The following PDE6B variants were observed in gnomAD, a reference collection of about 807,000 sequenced individuals.
PDE6B encodes the protein phosphodiesterase 6B, also known as rod cGMP-specific 3',5'-cyclic phosphodiesterase subunit beta.
In PDE6B, 106 loss-of-function variants were observed where a neutral mutation model predicts 109.0. The observed-to-expected ratio is 0.97, with a 90% CI of 0.83 to 1.14. The LOEUF is 1.14. PDE6B is among the 50% of genes most tolerant of loss of function. The pLI is 0.00. For missense variants in PDE6B, 1,193 were observed against 1,155.6 expected (o/e 1.03, Z -0.47); for synonymous variants, 490 against 471.3 (o/e 1.04, Z -0.51).
Position 666,460 on chromosome 4 carries a change from G to T in PDE6B, c.2269-71G>T. The stretch of plus-strand genomic sequence containing the variant: ...ATGAGCACATCTGAGTGAGGGGGTC[G>T]GGGGGCTGGGCGGGGCCCCAGGAGC... On this transcript the variant is annotated intron_variant, in intron 19 of 21. Transcript: ENST00000496514. This position sits in a 1 kb window ranked among gnomAD's most constrained non-coding sequence, Gnocchi z 5.6. 1 of 970,818 alleles carries T rather than the reference G, an allele frequency of 1.0e-6. No individual in the cohort carries two copies. The highest frequency in any genetic ancestry group is 1.3e-5 in the South Asian group (1 of 78,008). 60.1% of individuals were successfully genotyped at this position (970,818 alleles called of 1,614,324 possible).
At chr4:669,411 T>A (rs1162253737) in intron 21 of PDE6B, among the ~76,000 whole-genome samples, 1 of 117,364 alleles carries the variant, frequency 8.5e-6, no homozygotes, top group Admixed American at 8.2e-5. Context: ...CCCCATGCTA[T>A]TCCCGCTACC....
intron 21 of PDE6B, among the ~76,000 whole-genome samples, chr4:669,075 G>A (rs1170848186): frequency 2.1e-3 from 1 of 474 alleles, no homozygotes. Context: ...ACCCCATGCT[G>A]CTCCCACTAC....
intron 17 of PDE6B, among the ~76,000 whole-genome samples, chr4:664,513 C>A (rs1368045876): frequency 6.6e-6 from 1 of 152,120 alleles, no homozygotes; most frequent in Non-Finnish European, 1.5e-5. Context: ...GATTCACAAC[C>A]AGCCCCTCCC....
At chr4:668,412 G>C (rs1256901654) in intron 21 of PDE6B, among the ~76,000 whole-genome samples, 8 of 145,722 alleles carry the variant, frequency 5.5e-5, no homozygotes, top group African/African-American at 1.6e-4. Context: ...GCTGCTCCCA[G>C]TATCCCATGC....
Position 663,977 on chromosome 4 carries a change from G to A in PDE6B, c.2021+107G>A. On this transcript the variant is annotated intron_variant, in intron 16 of 21. Transcript: ENST00000496514. The surrounding 1 kb of genome is among the most constrained non-coding windows in gnomAD (Gnocchi z 4.0). ...GCACAGCCCGGGGGACGCAGCCCCG[G>A]ATTCCGTCCCTGCCCGCCGGCCCCG... The A allele has an allele frequency of 1.8e-6, 2 of 1,111,886 alleles. No individual in the cohort carries two copies. Among genetic ancestry groups the A allele is most frequent in the South Asian group, 1.3e-5 (1 of 76,080 alleles). 68.9% of individuals were successfully genotyped at this position (1,111,886 alleles called of 1,614,324 possible). A position where few individuals can be genotyped will look rare whatever the true frequency, so the allele number is the denominator to read the frequency against.
chr4:662,990 C>A lies in PDE6B; in HGVS notation c.1833-110C>A, dbSNP rs1001862522. The A allele has an allele frequency of 2.7e-6, 2 of 740,970 alleles. No homozygotes were observed. The highest frequency in any genetic ancestry group is 2.6e-5 in the East Asian group (1 of 38,500). 45.9% of individuals were successfully genotyped at this position (740,970 alleles called of 1,614,324 possible). A position where few individuals can be genotyped will look rare whatever the true frequency, so the allele number is the denominator to read the frequency against. ...TGCACTCCAGAGTGGGTGACAGAGG[C>A]AGACCCTGTCTCAAAAAAAAGAAAG... On this transcript the variant is annotated intron_variant, in intron 14 of 21. Transcript: ENST00000496514. The surrounding 1 kb of genome is among the most constrained non-coding windows in gnomAD (Gnocchi z 4.3).
At chr4:656,112 C>T (rs1026829990) in intron 7 of PDE6B, 106 bp downstream of exon 7, 15 of 1,015,764 alleles carry the variant, frequency 1.5e-5, no homozygotes, top group South Asian at 8.9e-5. Flanking sequence ...GCCAGCTCCA[C>T]GTGCCTCAGT....
Position 632,471 on chromosome 4 carries a change from C to T in PDE6B, c.469-2206C>T, listed in dbSNP as rs192099138. Among the ~76,000 whole-genome samples the T allele has an allele frequency of 6.8e-3, 948 of 139,636 alleles. 4 individuals are homozygous for T. The highest frequency in any genetic ancestry group is 8.7e-3 in the Non-Finnish European group (563 of 64,426). The allele number at this position is 139,636 out of a possible 152,430, so 91.6% of individuals were successfully genotyped here. Reference sequence around the variant, plus strand: ...CTCAGGGTCACGTTGTGTGGATCTGCGTGGCAGCATCTCTGGATCACGTTT... The same window carrying T: ...CTCAGGGTCACGTTGTGTGGATCTGTGTGGCAGCATCTCTGGATCACGTTT... On this transcript the variant is annotated intron_variant, in intron 1 of 21. Transcript: ENST00000496514.
Position 665,001 on chromosome 4 carries a change from C to CCGGGCGGG in PDE6B, c.2193+62_2193+69dup. ...CAGTGCCTCTCAGCACATGGGACTG[C>CCGGGCGGG]CGGGCGGGCGGGAGCCTCGGATGGC... On this transcript the variant is annotated intron_variant, in intron 18 of 21. Coordinates refer to ENST00000496514, the MANE Select transcript of PDE6B (RefSeq NM_000283.4). This position sits in a 1 kb window ranked among gnomAD's most constrained non-coding sequence, Gnocchi z 4.0. 1 of 1,399,528 alleles carries CCGGGCGGG rather than the reference C, an allele frequency of 7.1e-7. No homozygotes were observed. Among genetic ancestry groups the CCGGGCGGG allele is most frequent in the East Asian group, 2.3e-5 (1 of 43,886 alleles). 86.7% of individuals were successfully genotyped at this position (1,399,528 alleles called of 1,614,324 possible).
rs1322071830 is a variant in PDE6B, at chr4:665,210, C to T, written c.2194-45C>T. 4.8e-6 allele frequency: 7 copies of T among 1,461,960 alleles called. No individual in the cohort carries two copies. The highest frequency in any genetic ancestry group is 3.4e-5 in the Admixed American group (2 of 58,924). 90.6% of individuals were successfully genotyped at this position (1,461,960 alleles called of 1,614,324 possible). ...CACGGGGCGGGCCCGGGCCCTTCCG[C>T]GTGGGCTCAGAGCTCCACAGACAGC... On this transcript the variant is annotated intron_variant, in intron 18 of 21. Coordinates refer to ENST00000496514, the MANE Select transcript of PDE6B (RefSeq NM_000283.4). This position sits in a 1 kb window ranked among gnomAD's most constrained non-coding sequence, Gnocchi z 4.0.
rs559505884 is a variant in PDE6B at position 662,426 on chromosome 4, G to T, written c.1723-83G>T. 1.0e-3 allele frequency: 1,028 copies of T among 1,014,054 alleles called. 8 individuals carry two copies. The African/African-American group carries it at 0.015, about 14-fold the overall frequency. The allele number at this position is 1,014,054 out of a possible 1,614,324, so 62.8% of individuals were successfully genotyped here. A position where few individuals can be genotyped will look rare whatever the true frequency, so the allele number is the denominator to read the frequency against. On this transcript the variant is annotated intron_variant, in intron 13 of 21. Transcript: ENST00000496514. This position sits in a 1 kb window ranked among gnomAD's most constrained non-coding sequence, Gnocchi z 4.3. ...TGGTCGGAGGTCCAACCTCCAACCC[G>T]ACGCCTAGGTCATCCCAACCCCTCA...
rs1734508199 is a variant in PDE6B, at chr4:633,834, C to T, written c.469-843C>T. 6.6e-6 allele frequency among the ~76,000 whole-genome samples: 1 copy of T among 152,206 alleles called. No individual in the cohort carries two copies. Among genetic ancestry groups the T allele is most frequent in the South Asian group, 2.1e-4 (1 of 4,826 alleles). On this transcript the variant is annotated intron_variant, in intron 1 of 21. Transcript: ENST00000496514. The surrounding 1 kb of genome is among the most constrained non-coding windows in gnomAD (Gnocchi z 4.5). ...GAGGAGGGTCTGGGGTCACATCCAA[C>T]TCTCTGAAGGACAGAATCCCAGTCA...
rs1737410105 is a variant in PDE6B at position 663,683 on chromosome 4, A to G, written c.1921-87A>G. On this transcript the variant is annotated intron_variant, in intron 15 of 21. Coordinates refer to ENST00000496514, the MANE Select transcript of PDE6B (RefSeq NM_000283.4). The surrounding 1 kb of genome is among the most constrained non-coding windows in gnomAD (Gnocchi z 4.0). ...CCGAGGGCGGGGGCGTGAGAGGCAC[A>G]GGCAGCCGAGGCGGAAGGGGCGGGG... 1.1e-6 allele frequency: 1 copy of G among 951,450 alleles called. No homozygotes were observed. The highest frequency in any genetic ancestry group is 1.3e-5 in the South Asian group (1 of 74,874). The allele number at this position is 951,450 out of a possible 1,614,324, so 58.9% of individuals were successfully genotyped here. A position where few individuals can be genotyped will look rare whatever the true frequency, so the allele number is the denominator to read the frequency against.
At chr4:652,230 C>CAGGG (rs911667965) in intron 3 of PDE6B, 1 of 152,160 alleles carries the variant, frequency 6.6e-6, no homozygotes, top group African/African-American at 2.4e-5. Flanking sequence ...CGGGCCTCAG[C>CAGGG]AGGGAGGGAG....
At chr4:647,149 C>T (rs2109163287) in intron 3 of PDE6B, among the ~76,000 whole-genome samples, 1 of 152,224 alleles carries the variant, frequency 6.6e-6, no homozygotes, top group East Asian at 1.9e-4. Context: ...TGCGCCACCT[C>T]GCCTGGCCTG....
At position 632,367 on chromosome 4, in the gene PDE6B, G is replaced by A. The variant is rs111398201; in HGVS notation, c.469-2310G>A. ...CATGTGGATCCATGAGGCACCGTCTGAGGATCATGTTGTGTGGATCCATGT... is the reference window on the plus strand; with the variant it reads ...CATGTGGATCCATGAGGCACCGTCTAAGGATCATGTTGTGTGGATCCATGT... On this transcript the variant is annotated intron_variant, in intron 1 of 21. Coordinates refer to ENST00000496514, the MANE Select transcript of PDE6B (RefSeq NM_000283.4). 5.9e-3 allele frequency among the ~76,000 whole-genome samples: 891 copies of A among 152,052 alleles called. 8 individuals carry two copies. The highest frequency in any genetic ancestry group is 0.02 in the African/African-American group (829 of 41,448).
rs373093302 is a variant in PDE6B, at chr4:666,510, G to A, written c.2269-21G>A. The stretch of plus-strand genomic sequence containing the variant: ...CTGCCTCCCTGGTCACTGTTCTCCC[G>A]CCCTCTGTTCCTCCCACCAGCCTAT... On this transcript the variant is annotated intron_variant, in intron 19 of 21. Transcript: ENST00000496514. This position sits in a 1 kb window ranked among gnomAD's most constrained non-coding sequence, Gnocchi z 5.6. The A allele has an allele frequency of 2.6e-5, 41 of 1,577,504 alleles. No homozygotes were observed. Among genetic ancestry groups the A allele is most frequent in the South Asian group, 2.2e-4 (20 of 90,404 alleles).
intron 1 of PDE6B, among the ~76,000 whole-genome samples, chr4:629,628 G>T (rs1002286112): frequency 1.3e-5 from 2 of 152,358 alleles, no homozygotes; most frequent in South Asian, 4.1e-4. Flanking sequence ...CCTGCACGTC[G>T]CCAGCAGTCA....
chr4:659,613 A>G (rs1366553900), intron 11 of PDE6B, among the ~76,000 whole-genome samples: 4 of 140,516 alleles, frequency 2.8e-5, no homozygotes, highest in Admixed American at 1.4e-4. Flanking sequence ...GCGTGTGTGC[A>G]TTGTATGAAT....
Sources: allele counts gnomAD v4.1 joint callset (sites outside exome capture counted in the v4.1 genomes callset), GRCh38; gene constraint gnomAD v4.1.1; non-coding constraint Gnocchi (gnomAD v3.1); transcripts MANE v1.5; gene names NCBI Gene and HGNC (gene_info 2026-07-23, HGNC 2026-07-21).